KLF13: variants seen among roughly 807,000 people sequenced by gnomAD.
KLF13 encodes the protein Krueppel-like factor 13.
In KLF13, 8 loss-of-function variants were observed where a neutral mutation model predicts 16.7. The ratio of observed to expected loss-of-function variants is 0.48; its 90% confidence interval spans 0.28 to 0.87. KLF13 has a LOEUF of 0.87. KLF13 is among the 40% of genes least tolerant of loss of function. The pLI is 0.10. For synonymous variants in KLF13, 245 were observed against 208.4 expected, an observed-to-expected ratio of 1.18 and a Z score of -1.51; for missense variants, 447 against 452.2, an observed-to-expected ratio of 0.99 and a Z score of 0.10.
Position 31,360,955 on chromosome 15 carries a change from C to T in KLF13, c.578-11055C>T, listed in dbSNP as rs532743569. On this transcript the variant is annotated intron_variant, in intron 1 of 1. Coordinates refer to ENST00000307145, the MANE Select transcript of KLF13 (RefSeq NM_015995.4). ...GAAGAGGAGCCTGCCGAGGCTCCTC[C>T]AGGGCTTCTGAGTGCCATTGTTTTG... Among the ~76,000 whole-genome samples the T allele has an allele frequency of 1.1e-3, 167 of 152,310 alleles. 1 individual carries two copies. The highest frequency in any genetic ancestry group is 3.6e-3 in the African/African-American group (151 of 41,576).
chr15:31,426,886 G>A (rs2040407080), intron 1 of KLF13, among the ~76,000 whole-genome samples: 1 of 152,190 alleles, frequency 6.6e-6, no homozygotes, highest in Admixed American at 6.5e-5. Context: ...GCAGTAAAGA[G>A]GCAAGTATCT....
intron 1 of KLF13, among the ~76,000 whole-genome samples, chr15:31,424,139 T>C (rs541094251): frequency 1.3e-5 from 2 of 152,076 alleles, no homozygotes; most frequent in Non-Finnish European, 2.9e-5. Context: ...GTGGCTTCAC[T>C]GGAGAATTCT....
chr15:31,344,718 CTAAACCTAATGGAACCTTT>C (rs146730116), intron 1 of KLF13, among the ~76,000 whole-genome samples: 4,157 of 151,978 alleles, frequency 0.027, 189 homozygotes, highest in African/African-American at 0.095. Context: ...GATTTTTATT[CTAAACCTAATGGAACCTTT>C]CTTTTAACAA....
In KLF13 at chr15:31,373,048, G is replaced by A. The variant is rs1030339617; in HGVS notation, c.*749G>A. ...GCAGAGATGCCAGCCCTGGCTGAGC[G>A]TAGCACTGCACCGTCCGACCTCCGA... is the stretch of plus-strand genomic sequence containing the variant. On this transcript the variant is annotated 3_prime_UTR_variant, in exon 2 of 2. Transcript: ENST00000307145. The A allele has an allele frequency of 2.0e-5, 3 of 152,438 alleles. No homozygotes were observed. The highest frequency in any genetic ancestry group is 6.5e-5 in the Admixed American group (1 of 15,290). 9.4% of individuals were successfully genotyped at this position (152,438 alleles called of 1,614,324 possible). A position where few individuals can be genotyped will look rare whatever the true frequency, so the allele number is the denominator to read the frequency against.
At chr15:31,365,628 C>T (rs1281948929) in intron 1 of KLF13, among the ~76,000 whole-genome samples, 2 of 150,596 alleles carry the variant, frequency 1.3e-5, no homozygotes, top group African/African-American at 4.9e-5. Flanking sequence ...GGGGCCCACT[C>T]ACCTGTGGGG....
At chr15:31,421,502 AATAAC>A (rs2040322736) in intron 1 of KLF13, among the ~76,000 whole-genome samples, 1 of 152,206 alleles carries the variant, frequency 6.6e-6, no homozygotes, top group Admixed American at 6.5e-5. Flanking sequence ...TTGTGAAATA[AATAAC>A]ATAAAGTAGG....
At chr15:31,392,243 A>G (rs1595493946), upstream of KLF13, among the ~76,000 whole-genome samples, 1 of 152,230 alleles carries the variant, frequency 6.6e-6, no homozygotes, top group Non-Finnish European at 1.5e-5. Flanking sequence ...GGAGAGAACG[A>G]TAAGGATTGT....
intron 1 of KLF13, among the ~76,000 whole-genome samples, chr15:31,335,393 G>A (rs1259586947): frequency 4.0e-5 from 6 of 150,910 alleles, no homozygotes; most frequent in Non-Finnish European, 8.8e-5. Flanking sequence ...TGCAGGGCCA[G>A]GCTGTGATCG....
At chr15:31,342,047 GGCT>G (rs1383516021) in intron 1 of KLF13, among the ~76,000 whole-genome samples, 1 of 152,198 alleles carries the variant, frequency 6.6e-6, no homozygotes, top group Non-Finnish European at 1.5e-5. Context: ...GGTACCAACA[GGCT>G]GTACCTGGCT....
intron 1 of KLF13, among the ~76,000 whole-genome samples, chr15:31,332,201 G>A (rs965867801): frequency 6.6e-6 from 1 of 152,186 alleles, no homozygotes; most frequent in Non-Finnish European, 1.5e-5. Flanking sequence ...GTGTTGTGGA[G>A]TTACTGTGTT....
At chr15:31,366,882 A>C (rs1236381602) in intron 1 of KLF13, among the ~76,000 whole-genome samples, 4 of 152,256 alleles carry the variant, frequency 2.6e-5, no homozygotes, top group African/African-American at 4.8e-5. Context: ...AACTGTTTTC[A>C]TAACAATAGC....
At chr15:31,414,947 G>A (rs569676862) in intron 1 of KLF13, among the ~76,000 whole-genome samples, 57 of 152,266 alleles carry the variant, frequency 3.7e-4, no homozygotes, top group African/African-American at 9.9e-4. Flanking sequence ...GACTAAATTG[G>A]AGGCATTTGG....
Position 31,362,447 on chromosome 15 carries a change from C to T in KLF13, c.578-9563C>T, listed in dbSNP as rs562249850. Among the ~76,000 whole-genome samples the T allele has an allele frequency of 8.6e-4, 131 of 152,232 alleles. 1 individual carries two copies. Among genetic ancestry groups the T allele is most frequent in the African/African-American group, 3.1e-3 (129 of 41,526 alleles). On this transcript the variant is annotated intron_variant, in intron 1 of 1. Transcript: ENST00000307145. ...ACATTCTGAGGAGAATCTGCCTGGG[C>T]GACCATTGTTATTTTAAGAGAGCTC... is the stretch of plus-strand genomic sequence containing the variant.
At chr15:31,408,501 A>C (rs1455165240), downstream of KLF13, among the ~76,000 whole-genome samples, 1 of 152,190 alleles carries the variant, frequency 6.6e-6, no homozygotes, top group African/African-American at 2.4e-5. Flanking sequence ...GTAACACTAG[A>C]ATTTGAAGTC....
At chr15:31,409,167 C>T (rs1347134918), downstream of KLF13, among the ~76,000 whole-genome samples, 3 of 152,002 alleles carry the variant, frequency 2.0e-5, no homozygotes, top group Admixed American at 6.6e-5. Flanking sequence ...TGCCTGTAAT[C>T]TCAGCTACTC....
intron 1 of KLF13, among the ~76,000 whole-genome samples, chr15:31,413,721 A>G (rs2040223972): frequency 6.6e-6 from 1 of 152,210 alleles, no homozygotes; most frequent in South Asian, 2.1e-4. Flanking sequence ...TGCCTTCAAG[A>G]AATACTAAAA....
At chr15:31,360,658 C>T (rs755654270) in intron 1 of KLF13, among the ~76,000 whole-genome samples, 2 of 152,172 alleles carry the variant, frequency 1.3e-5, no homozygotes, top group South Asian at 2.1e-4. Context: ...GCAGAAGCCC[C>T]GGCACTGTTC....
At chr15:31,356,721 G>GT (rs2039306051) in intron 1 of KLF13, among the ~76,000 whole-genome samples, 1 of 152,212 alleles carries the variant, frequency 6.6e-6, no homozygotes, top group African/African-American at 2.4e-5. Context: ...TGGTTTACTC[G>GT]TGCGGTTTGG....
At chr15:31,344,210 CTG>C (rs2140941675) in intron 1 of KLF13, among the ~76,000 whole-genome samples, 1 of 152,346 alleles carries the variant, frequency 6.6e-6, no homozygotes, top group East Asian at 1.9e-4. Context: ...ATACCCATCT[CTG>C]TGCAGATGCA....
Sources: gnomAD v4.1 joint callset for allele counts (sites outside exome capture counted in the v4.1 genomes callset) on GRCh38, gnomAD v4.1.1 for gene constraint, MANE v1.5 for transcripts, NCBI Gene and HGNC (gene_info 2026-07-23, HGNC 2026-07-21) for gene names.